GMPR: variants seen among roughly 807,000 people sequenced by gnomAD.
GMPR encodes GMP reductase 1.
Under a neutral mutation model 38.4 loss-of-function variants are expected in GMPR, and 31 were observed. The ratio of observed to expected loss-of-function variants is 0.81; its 90% CI spans 0.61 to 1.09. The LOEUF is 1.09. Among genes scored for constraint, GMPR ranks in the 50% least tolerant of loss-of-function variants. The pLI is 0.00. For synonymous variants in GMPR, 162 were observed against 173.3 expected (o/e 0.93, Z 0.51); for missense variants, 468 against 453.7 (o/e 1.03, Z -0.29).
At chr6:16,280,557 C>T (rs1428922852) in intron 6 of GMPR, among the ~76,000 whole-genome samples, 1 of 152,210 alleles carries the variant, frequency 6.6e-6, no homozygotes, top group African/African-American at 2.4e-5. Flanking sequence ...TGACATAGAA[C>T]TGTCGGTCTA....
At chr6:16,268,178 A>G (rs1759305338) in intron 4 of GMPR, among the ~76,000 whole-genome samples, 1 of 152,158 alleles carries the variant, frequency 6.6e-6, no homozygotes, top group Non-Finnish European at 1.5e-5. Flanking sequence ...GAAAGCTACA[A>G]AGGTGATGTT....
At chr6:16,289,042 C>A (rs951242124) in intron 7 of GMPR, among the ~76,000 whole-genome samples, 2 of 152,190 alleles carry the variant, frequency 1.3e-5, no homozygotes, top group Non-Finnish European at 2.9e-5. Flanking sequence ...CAGTGGCAAA[C>A]CCTTCTGGCT....
At chr6:16,261,686 G>T (rs1759088330) in intron 4 of GMPR, among the ~76,000 whole-genome samples, 1 of 152,038 alleles carries the variant, frequency 6.6e-6, no homozygotes, top group South Asian at 2.1e-4. Flanking sequence ...GCTGTAGCAG[G>T]CGAGTGATAA....
In GMPR at chr6:16,254,625, G is replaced by A; in HGVS notation, c.355G>A (p.Ala119Thr). 2 of 1,613,606 alleles carry A rather than the reference G, an allele frequency of 1.2e-6. No individual in the cohort carries two copies. The highest frequency in any genetic ancestry group is 1.7e-6 in the Non-Finnish European group (2 of 1,179,444). ...GGAAAAGATGACCAGCATCCTGGAA[G>A]CTGTGCCACAGGTTAAGTTTATTTG... ...DLEKMTSILE[A>T]VPQVKFICLD... is the part of the protein sequence containing the mutation. Residue 119 changes from alanine to threonine, a missense_variant, in exon 4 of 9, where the codon GCT becomes ACT. Physicochemically the swap from Ala to Thr is moderately conservative, Grantham distance 58 (BLOSUM62 0). Transcript: ENST00000259727.
intron 8 of GMPR, among the ~76,000 whole-genome samples, chr6:16,291,505 T>C (rs1759840693): frequency 6.6e-6 from 1 of 152,166 alleles, no homozygotes; most frequent in African/African-American, 2.4e-5. Flanking sequence ...ATTATAGGCA[T>C]GAGCCACCGC....
chr6:16,274,029 T>C (rs1030591473), intron 4 of GMPR, among the ~76,000 whole-genome samples: 1 of 152,108 alleles, frequency 6.6e-6, no homozygotes, highest in African/African-American at 2.4e-5. Context: ...TTGGCCAGGA[T>C]GGTCTCAATC....
intron 6 of GMPR, among the ~76,000 whole-genome samples, chr6:16,280,361 C>T (rs901596815): frequency 1.3e-5 from 2 of 152,148 alleles, no homozygotes; most frequent in Non-Finnish European, 1.5e-5. Context: ...ATGCCTCATC[C>T]AAATTTTTCA....
intron 8 of GMPR, among the ~76,000 whole-genome samples, chr6:16,291,116 C>G (rs1759833942): frequency 6.6e-6 from 1 of 152,248 alleles, no homozygotes; most frequent in Non-Finnish European, 1.5e-5. Context: ...CGCTTCTCAC[C>G]TTCCTCCAGG....
At chr6:16,248,852 A>C (rs1174858156) in intron 2 of GMPR, among the ~76,000 whole-genome samples, 3 of 152,342 alleles carry the variant, frequency 2.0e-5, no homozygotes, top group Middle Eastern at 3.4e-3. Context: ...ATTATAGTCC[A>C]GGAAAAACCT....
At position 16,274,431 on chromosome 6, in the gene GMPR, C is replaced by G. The variant is rs1287894660; in HGVS notation, c.482C>G (p.Thr161Arg). ...EHTIMAGNVV[T>R]GEMVEELILS... ...CTGTCTCAGGCAGGGAACGTGGTGACAGGAGAAATGGTAGAAGAGCTTATT... is the reference window on the plus strand; with the variant it reads ...CTGTCTCAGGCAGGGAACGTGGTGAGAGGAGAAATGGTAGAAGAGCTTATT... The change falls in exon 5 of 9, where the codon ACA (threonine) becomes AGA (arginine). Residue 161 changes from threonine to arginine, a missense_variant. Thr to Arg is a moderately conservative substitution (Grantham distance 71). Coordinates refer to ENST00000259727, the MANE Select transcript of GMPR (RefSeq NM_006877.4). The G allele has an allele frequency of 2.5e-6, 4 of 1,603,512 alleles. No homozygotes were observed. The highest frequency in any genetic ancestry group is 3.4e-6 in the Non-Finnish European group (4 of 1,170,494).
rs967999047 is a variant in GMPR, at chr6:16,281,683, T to G, written c.654+2793T>G. On this transcript the variant is annotated intron_variant, in intron 6 of 8. Transcript: ENST00000259727. Reference sequence around the variant, plus strand: ...CCACGCTCAGCCCATTTTTTTTTTGTATTTTTAGTAGAGGCAGGGTTTCAC... The same window carrying G: ...CCACGCTCAGCCCATTTTTTTTTTGGATTTTTAGTAGAGGCAGGGTTTCAC... Among the ~76,000 whole-genome samples, 7 of 147,762 alleles carry G rather than the reference T, an allele frequency of 4.7e-5. No homozygotes were observed. The South Asian group carries it at 8.7e-4, about 18-fold the overall frequency.
intron 1 of GMPR, among the ~76,000 whole-genome samples, chr6:16,240,077 G>C (rs1004683119): frequency 5.9e-5 from 9 of 152,146 alleles, no homozygotes; most frequent in African/African-American, 2.2e-4. Flanking sequence ...GATGAAATAG[G>C]GGGATTCTGG....
intron 1 of GMPR, among the ~76,000 whole-genome samples, chr6:16,242,864 T>C (rs1042244030): frequency 7.9e-5 from 12 of 152,146 alleles, no homozygotes; most frequent in African/African-American, 2.7e-4. Flanking sequence ...TCTTGAACTC[T>C]CGACCTCAGG....
At chr6:16,257,445 T>G (rs968357274) in intron 4 of GMPR, among the ~76,000 whole-genome samples, 9 of 152,194 alleles carry the variant, frequency 5.9e-5, no homozygotes, top group Non-Finnish European at 1.2e-4. Context: ...CCACATTGCT[T>G]TATGTCAGCT....
chr6:16,246,547 G>A (rs534719651), intron 1 of GMPR, among the ~76,000 whole-genome samples: 3 of 152,156 alleles, frequency 2.0e-5, no homozygotes, highest in Admixed American at 6.5e-5. Context: ...GTTTCTATAG[G>A]GCTTGCGGGT....
intron 5 of GMPR, among the ~76,000 whole-genome samples, chr6:16,275,203 C>A (rs181159411): frequency 6.6e-6 from 1 of 152,254 alleles, no homozygotes; most frequent in East Asian, 1.9e-4. Flanking sequence ...CCAGTATTAA[C>A]CAGACACTAA....
intron 6 of GMPR, among the ~76,000 whole-genome samples, chr6:16,285,530 CCAGGCAGG>C (rs1759662190): frequency 6.6e-6 from 1 of 152,154 alleles, no homozygotes; most frequent in South Asian, 2.1e-4. Flanking sequence ...GTGTCTGAGC[CCAGGCAGG>C]CAGGTGGGCA....
intron 4 of GMPR, among the ~76,000 whole-genome samples, chr6:16,261,849 G>A (rs1445529245): frequency 6.6e-6 from 1 of 151,782 alleles, no homozygotes; most frequent in African/African-American, 2.4e-5. Context: ...AAGGTTGGGG[G>A]ATACAAGAGG....
intron 4 of GMPR, among the ~76,000 whole-genome samples, chr6:16,273,497 A>G (rs1759421328): frequency 6.6e-6 from 1 of 152,180 alleles, no homozygotes; most frequent in Non-Finnish European, 1.5e-5. Flanking sequence ...TCTGGTTGAT[A>G]GATTCTGCCA....
Sources: allele counts gnomAD v4.1 joint callset (sites outside exome capture counted in the v4.1 genomes callset), GRCh38; gene constraint gnomAD v4.1.1; transcripts MANE v1.5; gene names NCBI Gene and HGNC (gene_info 2026-07-23, HGNC 2026-07-21).